Variants in WASF3 observed in about 807,000 individuals in gnomAD.
The protein encoded by WASF3 is WASP family member 3.
In WASF3, 11 loss-of-function variants were observed where a neutral mutation model predicts 46.6. The ratio of observed to expected loss-of-function variants is 0.24; its 90% CI spans 0.15 to 0.39. WASF3 has a LOEUF of 0.39. Among genes scored for constraint, WASF3 ranks in the 10% least tolerant of loss-of-function variants. The pLI, the probability that WASF3 is intolerant of heterozygous loss-of-function variation, is 1.00. For synonymous variants in WASF3, 242 were observed against 259.7 expected (o/e 0.93, Z 0.65); for missense variants, 576 against 669.8 (o/e 0.86, Z 1.55).
At chr13:26,563,654 C>CAAA (rs34374716) in intron 1 of WASF3, among the ~76,000 whole-genome samples, 13,925 of 46,942 alleles carry the variant, frequency 0.3, 2,580 homozygotes, top group East Asian at 0.5. Flanking sequence ...GACTCCATCT[C>CAAA]AAAAAAAAAA....
chr13:26,633,392 T>A (rs9512292), intron 2 of WASF3, among the ~76,000 whole-genome samples: 1 of 151,388 alleles, frequency 6.6e-6, no homozygotes, highest in South Asian at 2.1e-4. Flanking sequence ...TTAGTAGAGG[T>A]GGGGTTTCTC....
intron 2 of WASF3, among the ~76,000 whole-genome samples, chr13:26,616,053 G>A (rs1200368474): frequency 6.6e-6 from 1 of 152,180 alleles, no homozygotes; most frequent in African/African-American, 2.4e-5. Context: ...GTTTTTGGCT[G>A]TTACAAATAA....
Position 26,648,902 on chromosome 13 carries a change from C to G in WASF3, c.133+6499C>G, listed in dbSNP as rs537055049. On this transcript the variant is annotated intron_variant, in intron 3 of 9. Transcript: ENST00000335327. ...ATTCACACTCTCATTACCCATTGAC[C>G]CGGAATGTCAGAAATACTTTCTTAA... Among the ~76,000 whole-genome samples, 4 of 152,118 alleles carry G rather than the reference C, an allele frequency of 2.6e-5. No homozygotes were observed. In the East Asian group the frequency reaches 7.7e-4, roughly 29 times the overall value.
upstream of WASF3, among the ~76,000 whole-genome samples, chr13:26,553,096 T>C (rs1879004138): frequency 2.6e-5 from 4 of 152,176 alleles, no homozygotes; most frequent in Admixed American, 2.6e-4. Context: ...TGAGAGCTGT[T>C]CAGTTATCGT....
chr13:26,630,153 T>G (rs1160291860), intron 2 of WASF3, among the ~76,000 whole-genome samples: 2 of 152,158 alleles, frequency 1.3e-5, no homozygotes, highest in Admixed American at 6.5e-5. Context: ...AGTTTTACTG[T>G]TGTTAAGTTT....
chr13:26,550,274 G>A, the WASF3 span, among the ~76,000 whole-genome samples: 87 of 152,160 alleles, frequency 5.7e-4, 1 homozygote, highest in African/African-American at 2.0e-3. Flanking sequence ...TTTACTGTTT[G>A]TTCAAATAAG....
intron 5 of WASF3, among the ~76,000 whole-genome samples, chr13:26,669,206 CTTTTTTTTTTTTT>C (rs71080286): frequency 1.5e-5 from 1 of 65,320 alleles, no homozygotes; most frequent in Non-Finnish European, 2.8e-5. Flanking sequence ...ATATCTTTGA[CTTTTTTTTTTTTT>C]TTTTTTTTTT....
At chr13:26,590,228 G>C (rs1880250544) in intron 1 of WASF3, among the ~76,000 whole-genome samples, 1 of 151,786 alleles carries the variant, frequency 6.6e-6, no homozygotes. Flanking sequence ...CTGCTGAGAG[G>C]CCCCCCCAAC....
Position 26,659,547 on chromosome 13 carries a change from G to A in WASF3, c.134-5481G>A, listed in dbSNP as rs1177286678. ...TTGGACAAGATGACTGGGGCTGCTC[G>A]GTTGAGAGTGAACTGAGCAGGGGCG... is the stretch of plus-strand genomic sequence containing the variant. On this transcript the variant is annotated intron_variant, in intron 3 of 9. Coordinates refer to ENST00000335327, the MANE Select transcript of WASF3 (RefSeq NM_006646.6). Among the ~76,000 whole-genome samples the A allele has an allele frequency of 3.3e-5, 5 of 152,300 alleles. 1 individual carries two copies. Among genetic ancestry groups the A allele is most frequent in the African/African-American group, 7.2e-5 (3 of 41,568 alleles).
chr13:26,631,538 T>G (rs1881652064), intron 2 of WASF3, among the ~76,000 whole-genome samples: 1 of 152,230 alleles, frequency 6.6e-6, no homozygotes, highest in South Asian at 2.1e-4. Flanking sequence ...TATATCTCTG[T>G]TTTGGTACCA....
chr13:26,683,075 C>A (rs1046376274), intron 9 of WASF3, 101 bp downstream of exon 9: 2 of 1,475,086 alleles, frequency 1.4e-6, no homozygotes, highest in Non-Finnish European at 1.8e-6. Context: ...CTACTCACTA[C>A]GTTTTTTAAA....
At chr13:26,646,618 G>C (rs1882158284) in intron 3 of WASF3, among the ~76,000 whole-genome samples, 1 of 152,080 alleles carries the variant, frequency 6.6e-6, no homozygotes, top group African/African-American at 2.4e-5. Context: ...TTAATTATCT[G>C]CTTCCTGTAA....
the WASF3 span, among the ~76,000 whole-genome samples, chr13:26,550,841 G>A: frequency 1.3e-5 from 2 of 152,180 alleles, no homozygotes; most frequent in African/African-American, 4.8e-5. Context: ...CAATGTGGGA[G>A]TAGGCAGCCT....
chr13:26,682,746 G>C lies in WASF3; in HGVS notation c.1123G>C (p.Ala375Pro). ...MPMQPPFPAS[A>P]SSTHAAPPHP... ...CATGCAGCCCCCGTTCCCTGCATCAGCCAGCTCCACGCACGCAGCTCCTCC... is the reference window on the plus strand; with the variant it reads ...CATGCAGCCCCCGTTCCCTGCATCACCCAGCTCCACGCACGCAGCTCCTCC... Residue 375 changes from alanine (A) to proline (P), a missense_variant, in exon 9 of 10, where the codon GCC (alanine) becomes CCC (proline). Around this residue, in one of 3 missense-constraint regions of WASF3, gnomAD observed 295 missense variants for 291.5 expected, o/e 1.01. Coordinates refer to ENST00000335327, the MANE Select transcript of WASF3 (RefSeq NM_006646.6). The surrounding 1 kb of genome is among the most constrained non-coding windows in gnomAD (Gnocchi z 4.4). The C allele has an allele frequency of 6.2e-7, 1 of 1,613,520 alleles. No individual in the cohort carries two copies. The highest frequency in any genetic ancestry group is 2.2e-5 in the East Asian group (1 of 44,868).
intron 1 of WASF3, among the ~76,000 whole-genome samples, chr13:26,563,580 G>A (rs1879366915): frequency 6.7e-6 from 1 of 148,414 alleles, no homozygotes; most frequent in Non-Finnish European, 1.5e-5. Flanking sequence ...GCTTGAACCC[G>A]GGAGGCAGAG....
chr13:26,558,871 G>A (rs1401398697), intron 1 of WASF3, among the ~76,000 whole-genome samples: 1 of 152,102 alleles, frequency 6.6e-6, no homozygotes, highest in East Asian at 1.9e-4. Context: ...AAGGGGGAGA[G>A]GATAGCTATT....
At chr13:26,566,165 G>A (rs1038702730) in intron 1 of WASF3, among the ~76,000 whole-genome samples, 7 of 152,044 alleles carry the variant, frequency 4.6e-5, no homozygotes, top group Admixed American at 2.0e-4. Flanking sequence ...TATTTACTTA[G>A]CATTTTTTCT....
chr13:26,563,865 C>T (rs888960969), intron 1 of WASF3, among the ~76,000 whole-genome samples: 3 of 151,482 alleles, frequency 2.0e-5, no homozygotes, highest in Admixed American at 6.6e-5. Flanking sequence ...TTTTAGGTCT[C>T]CTGGAGCTTC....
At chr13:26,631,880 T>C (rs1881662017) in intron 2 of WASF3, among the ~76,000 whole-genome samples, 1 of 152,228 alleles carries the variant, frequency 6.6e-6, no homozygotes, top group South Asian at 2.1e-4. Flanking sequence ...CTTGAAGACG[T>C]CCTTCACGTC....
Sources: allele counts gnomAD v4.1 joint callset (sites outside exome capture counted in the v4.1 genomes callset), GRCh38; gene constraint gnomAD v4.1.1; regional missense constraint gnomAD v4.1.1; non-coding constraint Gnocchi (gnomAD v3.1); transcripts MANE v1.5; gene names NCBI Gene and HGNC (gene_info 2026-07-23, HGNC 2026-07-21).